The following TENM2 variants were observed in gnomAD, a reference collection of about 807,000 sequenced individuals.
TENM2 encodes the protein teneurin-2.
Under a neutral mutation model 245.2 loss-of-function variants are expected in TENM2, and 52 were observed. That is an observed-to-expected ratio of 0.21 (90% confidence interval 0.17 to 0.27). The LOEUF is 0.27. Ranked by LOEUF, TENM2 falls within the 10% of genes least tolerant of loss-of-function variation. The pLI, the probability that TENM2 is intolerant of heterozygous loss-of-function variation, is 1.00. For missense variants in TENM2, 3,046 were observed against 3,666.8 expected (o/e 0.83, Z 4.37); for synonymous variants, 1,363 against 1,438.9 (o/e 0.95, Z 1.19).
chr5:168,048,083 C>T (rs1282753948), intron 6 of TENM2, among the ~76,000 whole-genome samples: 1 of 152,126 alleles, frequency 6.6e-6, no homozygotes, highest in South Asian at 2.1e-4. Flanking sequence ...GGAGTTTTGA[C>T]AACTCGGCAA....
At chr5:168,233,352 G>A (rs914787834) in intron 25 of TENM2, among the ~76,000 whole-genome samples, 1 of 152,104 alleles carries the variant, frequency 6.6e-6, no homozygotes, top group African/African-American at 2.4e-5. Context: ...GTTACATCAT[G>A]GCATCTGTGA....
intron 2 of TENM2, among the ~76,000 whole-genome samples, chr5:167,841,180 C>G (rs1293587903): frequency 6.6e-6 from 1 of 152,040 alleles, no homozygotes; most frequent in Non-Finnish European, 1.5e-5. Context: ...CCTCAATCTC[C>G]CAAGTAGCTG....
At chr5:167,317,606 G>C (rs773999709) in intron 1 of TENM2, among the ~76,000 whole-genome samples, 1 of 152,104 alleles carries the variant, frequency 6.6e-6, no homozygotes, top group Non-Finnish European at 1.5e-5. Context: ...AATCTCTTAG[G>C]CACTGCCTGC....
chr5:167,665,231 T>C (rs1331777158), intron 2 of TENM2, among the ~76,000 whole-genome samples: 2 of 152,100 alleles, frequency 1.3e-5, no homozygotes, highest in Non-Finnish European at 2.9e-5. Flanking sequence ...ATGAATACAA[T>C]AATATACATA....
In TENM2 at chr5:167,431,877, T is replaced by C. The variant is rs139201845; in HGVS notation, c.502+56404T>C. ...TATTTACAGTGAGAATCATTATGAA[T>C]TTATGATTTTACATTTAGCTCATGA... is the stretch of plus-strand genomic sequence containing the variant. On this transcript the variant is annotated intron_variant, in intron 2 of 28. Coordinates refer to ENST00000518659, the Ensembl canonical transcript of TENM2. Among the ~76,000 whole-genome samples, 674 of 141,474 alleles carry C rather than the reference T, an allele frequency of 4.8e-3. 2 individuals are homozygous for C. The highest frequency in any genetic ancestry group is 8.1e-3 in the Non-Finnish European group (539 of 66,514). The allele number at this position is 141,474 out of a possible 152,430, so 92.8% of individuals were successfully genotyped here. A position where few individuals can be genotyped will look rare whatever the true frequency, so the allele number is the denominator to read the frequency against.
At chr5:168,119,777 C>T (rs1025871752) in intron 10 of TENM2, among the ~76,000 whole-genome samples, 3 of 152,172 alleles carry the variant, frequency 2.0e-5, no homozygotes, top group Admixed American at 2.0e-4. Context: ...ATAGAAGTGT[C>T]AACTTGCCCA....
intron 5 of TENM2, among the ~76,000 whole-genome samples, chr5:167,995,867 C>T (rs1304693288): frequency 6.6e-6 from 1 of 152,174 alleles, no homozygotes; most frequent in Non-Finnish European, 1.5e-5. Context: ...TTGTGCCCAC[C>T]TGGGAAACAA....
chr5:168,221,274 TAC>T (rs1763649346), intron 23 of TENM2, among the ~76,000 whole-genome samples: 2 of 151,868 alleles, frequency 1.3e-5, no homozygotes, highest in Admixed American at 1.3e-4. Flanking sequence ...GAACATGAGG[TAC>T]AGAAGCCATT....
chr5:167,382,444 C>T (rs1050623353), intron 2 of TENM2, among the ~76,000 whole-genome samples: 21 of 152,208 alleles, frequency 1.4e-4, no homozygotes, highest in Admixed American at 1.1e-3. Context: ...AACAGAACAG[C>T]GAGTGTTCCA....
the TENM2 span, among the ~76,000 whole-genome samples, chr5:167,095,312 G>C: frequency 6.6e-6 from 1 of 152,178 alleles, no homozygotes; most frequent in African/African-American, 2.4e-5. Context: ...TGGGACAAGA[G>C]TATTCCAGGA....
At chr5:168,013,424 T>G (rs1051656403) in intron 5 of TENM2, among the ~76,000 whole-genome samples, 1 of 151,976 alleles carries the variant, frequency 6.6e-6, no homozygotes, top group Non-Finnish European at 1.5e-5. Context: ...GCCAACATGG[T>G]GAAACCCCAT....
intron 2 of TENM2, among the ~76,000 whole-genome samples, chr5:167,611,693 G>A (rs577355810): frequency 1.3e-5 from 2 of 152,224 alleles, no homozygotes; most frequent in Admixed American, 6.5e-5. Context: ...CTGGAGGTTG[G>A]AAAGTCCAAA....
chr5:167,886,789 A>C (rs537505496), intron 3 of TENM2, among the ~76,000 whole-genome samples: 38 of 152,320 alleles, frequency 2.5e-4, no homozygotes, highest in East Asian at 1.9e-4. Context: ...ACAATGTTAA[A>C]ACCCCAAAAT....
At chr5:167,762,640 A>G (rs1454677140) in intron 2 of TENM2, among the ~76,000 whole-genome samples, 2 of 152,224 alleles carry the variant, frequency 1.3e-5, no homozygotes, top group South Asian at 2.1e-4. Flanking sequence ...GTGCCAGTTC[A>G]CTTCTGTGCT....
the TENM2 span, among the ~76,000 whole-genome samples, chr5:167,034,076 C>G: frequency 6.6e-6 from 1 of 152,290 alleles, no homozygotes; most frequent in East Asian, 1.9e-4. Context: ...ACCCATCTTT[C>G]TGACCATAAA....
At chr5:167,445,336 T>TATATAGAGAG (rs368881390) in intron 2 of TENM2, among the ~76,000 whole-genome samples, 33 of 77,284 alleles carry the variant, frequency 4.3e-4, no homozygotes, top group East Asian at 1.1e-3. Flanking sequence ...TATATATATA[T>TATATAGAGAG]AGAGAGAGAG....
At chr5:167,854,921 G>A (rs1391784895) in intron 2 of TENM2, among the ~76,000 whole-genome samples, 2 of 152,074 alleles carry the variant, frequency 1.3e-5, no homozygotes, top group African/African-American at 4.8e-5. Context: ...TCCCTGACCT[G>A]GATGGATTAT....
intron 1 of TENM2, among the ~76,000 whole-genome samples, chr5:167,330,050 C>G (rs1447161774): frequency 6.6e-6 from 1 of 152,122 alleles, no homozygotes; most frequent in Non-Finnish European, 1.5e-5. Flanking sequence ...TAGAAAATCT[C>G]CGTTCTTTTT....
Position 168,183,071 on chromosome 5 carries a change from C to G in TENM2, c.2570-7266C>G, listed in dbSNP as rs573374361. 1.0e-3 allele frequency among the ~76,000 whole-genome samples: 150 copies of G among 145,434 alleles called. 1 individual carries two copies. Among genetic ancestry groups the G allele is most frequent in the African/African-American group, 3.4e-3 (141 of 41,112 alleles). On this transcript the variant is annotated intron_variant, in intron 13 of 28. Coordinates refer to ENST00000518659, the Ensembl canonical transcript of TENM2. Reference sequence around the variant, plus strand: ...GGTCTTGAACTCCTGACCTCATGATCCACCCGCCTCGGCTTCTCAAAGTGC... The same window carrying G: ...GGTCTTGAACTCCTGACCTCATGATGCACCCGCCTCGGCTTCTCAAAGTGC...
Sources: gnomAD v4.1 joint callset for allele counts (sites outside exome capture counted in the v4.1 genomes callset) on GRCh38, gnomAD v4.1.1 for gene constraint, MANE v1.5 for transcripts, NCBI Gene and HGNC (gene_info 2026-07-23, HGNC 2026-07-21) for gene names.